The following ABLIM2 variants were observed in gnomAD, a reference collection of about 807,000 sequenced individuals.
ABLIM2 encodes actin-binding LIM protein 2.
A neutral mutation model predicts 97.7 loss-of-function variants in ABLIM2; 53 were observed. The observed-to-expected ratio is 0.54, with a 90% CI of 0.44 to 0.68. The LOEUF is 0.68. Ranked by LOEUF, ABLIM2 falls within the 30% of genes least tolerant of loss-of-function variation. The probability of loss-of-function intolerance (pLI) is 0.00; values close to 1 mark genes in which losing one functional copy is unlikely to be tolerated. For synonymous variants in ABLIM2, 361 were observed against 345.8 expected (o/e 1.04, Z -0.49); for missense variants, 835 against 867.2 (o/e 0.96, Z 0.47).
chr4:7,983,347 G>T lies in ABLIM2; in HGVS notation c.1744-3C>A. On this transcript the variant is annotated splice_polypyrimidine_tract_variant and splice_region_variant and intron_variant, in intron 19 of 20. Coordinates refer to ENST00000447017, the MANE Select transcript of ABLIM2 (RefSeq NM_001130083.2). ...ATGAGGGAGTCATACGGATAGATCT[G>T]TTGGGGGAGGAAACCACAGGGTCAC... 6.2e-7 allele frequency: 1 copy of T among 1,611,100 alleles called. No individual in the cohort carries two copies. The highest frequency in any genetic ancestry group is 8.5e-7 in the Non-Finnish European group (1 of 1,178,926).
At chr4:8,121,800 G>A (rs1293726721) in intron 1 of ABLIM2, among the ~76,000 whole-genome samples, 1 of 152,164 alleles carries the variant, frequency 6.6e-6, no homozygotes, top group Admixed American at 6.5e-5. Context: ...CCAGTGGATG[G>A]GGGGGTGATG....
At chr4:8,105,419 A>AGCCTGGC (rs1381704621) in intron 2 of ABLIM2, among the ~76,000 whole-genome samples, 1 of 152,224 alleles carries the variant, frequency 6.6e-6, no homozygotes, top group Non-Finnish European at 1.5e-5. Flanking sequence ...AACATTCAAG[A>AGCCTGGC]GCCTGGCGCA....
At chr4:8,108,872 G>A (rs1436309351) in intron 1 of ABLIM2, among the ~76,000 whole-genome samples, 1 of 152,212 alleles carries the variant, frequency 6.6e-6, no homozygotes, top group East Asian at 1.9e-4. Context: ...AGCTCCCCCT[G>A]TCTTGGTCTG....
intron 6 of ABLIM2, among the ~76,000 whole-genome samples, chr4:8,065,692 G>C (rs968467022): frequency 1.3e-5 from 2 of 152,132 alleles, no homozygotes. Flanking sequence ...GGAAGGCTAA[G>C]ATGGGCAGAT....
intron 1 of ABLIM2, among the ~76,000 whole-genome samples, chr4:8,157,572 C>G (rs1480050254): frequency 6.6e-6 from 1 of 152,248 alleles, no homozygotes; most frequent in Admixed American, 6.5e-5. Flanking sequence ...AGGGGAGTCC[C>G]TGGCCCTTAG....
In ABLIM2 at chr4:8,135,775, C is replaced by T. The variant is rs527260903; in HGVS notation, c.10+22905G>A. Among the ~76,000 whole-genome samples the T allele has an allele frequency of 1.7e-3, 261 of 152,338 alleles. 1 individual carries two copies. The highest frequency in any genetic ancestry group is 5.5e-3 in the African/African-American group (227 of 41,564). ...AGGACTCGGCACCCAGCCCGGAGGC[C>T]GGCAACATGGGCAAGGGGCCTCTCA... On this transcript the variant is annotated intron_variant, in intron 1 of 20. Transcript: ENST00000447017.
chr4:8,045,156 T>C lies in ABLIM2; in HGVS notation c.900+8A>G. ...CACCGCCGTCCCCATAAAAAGGCCC[T>C]GACTTACATAAATCACACGGCTCGG... On this transcript the variant is annotated splice_region_variant and intron_variant, in intron 9 of 20. Coordinates refer to ENST00000447017, the MANE Select transcript of ABLIM2 (RefSeq NM_001130083.2). The C allele has an allele frequency of 6.2e-7, 1 of 1,613,356 alleles. No individual in the cohort carries two copies. Among genetic ancestry groups the C allele is most frequent in the Non-Finnish European group, 8.5e-7 (1 of 1,179,354 alleles).
In ABLIM2 at chr4:8,075,141, C is replaced by T. The variant is rs1013383173; in HGVS notation, c.675+2487G>A. On this transcript the variant is annotated intron_variant, in intron 6 of 20. Coordinates refer to ENST00000447017, the MANE Select transcript of ABLIM2 (RefSeq NM_001130083.2). The surrounding 1 kb of genome is among the most constrained non-coding windows in gnomAD (Gnocchi z 4.4). The stretch of plus-strand genomic sequence containing the variant: ...ATGATGCGAGAGTAAAGCTTATGTC[C>T]GAACGAACCTTGAAAACATCAAGCT... Among the ~76,000 whole-genome samples the T allele has an allele frequency of 3.9e-5, 6 of 152,136 alleles. No homozygotes were observed. Among genetic ancestry groups the T allele is most frequent in the African/African-American group, 1.4e-4 (6 of 41,416 alleles).
At chr4:7,985,043 A>C (rs1742597814) in intron 17 of ABLIM2, 150 bp from the exon 18 acceptor site, 5 of 753,524 alleles carry the variant, frequency 6.6e-6, no homozygotes, top group Non-Finnish European at 1.1e-5. Flanking sequence ...GGGGCGTGAC[A>C]GAAGGACAGC....
intron 1 of ABLIM2, among the ~76,000 whole-genome samples, chr4:8,145,974 C>T (rs1304112176): frequency 6.6e-6 from 1 of 152,182 alleles, no homozygotes; most frequent in Non-Finnish European, 1.5e-5. Flanking sequence ...CTAGCATGTC[C>T]TTAAAATGGA....
At chr4:7,983,036 C>G (rs1740086641) in intron 20 of ABLIM2, among the ~76,000 whole-genome samples, 1 of 152,232 alleles carries the variant, frequency 6.6e-6, no homozygotes, top group African/African-American at 2.4e-5. Flanking sequence ...CCTTCCCTGC[C>G]TCATCCACAA....
At chr4:8,126,163 G>C (rs1009449540) in intron 1 of ABLIM2, among the ~76,000 whole-genome samples, 22 of 152,272 alleles carry the variant, frequency 1.4e-4, no homozygotes, top group African/African-American at 4.8e-4. Flanking sequence ...AGGCGCTGAG[G>C]GGGGGCTATG....
intron 1 of ABLIM2, among the ~76,000 whole-genome samples, chr4:8,144,631 C>T (rs1007098247): frequency 2.6e-5 from 4 of 152,178 alleles, no homozygotes; most frequent in African/African-American, 4.8e-5. Context: ...CAGCGGGTGA[C>T]GCGGGGCAGG....
At position 8,027,706 on chromosome 4, in the gene ABLIM2, G is replaced by A. The variant is rs1234304610; in HGVS notation, c.1267+53C>T. 21 of 1,387,408 alleles carry A rather than the reference G, an allele frequency of 1.5e-5. No individual in the cohort carries two copies. In the Admixed American group the frequency reaches 2.5e-4, roughly 17 times the overall value. The allele number at this position is 1,387,408 out of a possible 1,614,324, so 85.9% of individuals were successfully genotyped here. A position where few individuals can be genotyped will look rare whatever the true frequency, so the allele number is the denominator to read the frequency against. ...AGACATGGACAGCGAGCACACAGAC[G>A]CCGGGCGTGGACACCCATGAGCACC... On this transcript the variant is annotated intron_variant, in intron 12 of 20. Coordinates refer to ENST00000447017, the MANE Select transcript of ABLIM2 (RefSeq NM_001130083.2).
Position 7,999,658 on chromosome 4 carries a change from T to TG in ABLIM2, c.1619-6732dup, listed in dbSNP as rs1358195069. Among the ~76,000 whole-genome samples, 9 of 152,114 alleles carry TG rather than the reference T, an allele frequency of 5.9e-5. No homozygotes were observed. The highest frequency in any genetic ancestry group is 1.9e-4 in the African/African-American group (8 of 41,474). ...CAGACAGCCTTCAAGAGGCGGGGTG[T>TG]GTGTAGTACAGAGAGAGACCCACAG... On this transcript the variant is annotated intron_variant, in intron 16 of 20. Transcript: ENST00000447017. This position sits in a 1 kb window ranked among gnomAD's most constrained non-coding sequence, Gnocchi z 4.4.
rs1025857786 is a variant in ABLIM2, at chr4:8,004,796, T to C, written c.1618+3263A>G. Among the ~76,000 whole-genome samples the C allele has an allele frequency of 6.6e-6, 1 of 152,218 alleles. No individual in the cohort carries two copies. The highest frequency in any genetic ancestry group is 2.4e-5 in the African/African-American group (1 of 41,458). On this transcript the variant is annotated intron_variant, in intron 16 of 20. Transcript: ENST00000447017. The surrounding 1 kb of genome is among the most constrained non-coding windows in gnomAD (Gnocchi z 5.9). ...CTGATAATATAAACTACTCTGCACA[T>C]AGTCCAGATAATGCCCTATGTGTAA...
rs953426171 is a variant in ABLIM2 at position 8,122,590 on chromosome 4, TC to T, written c.11-15954del. On this transcript the variant is annotated intron_variant, in intron 1 of 20. Transcript: ENST00000447017. The surrounding 1 kb of genome is among the most constrained non-coding windows in gnomAD (Gnocchi z 4.1). ...ACGACCTCATCTAAACCCCATCACC[TC>T]CCCAAGGCCCCTCCTCCAAATAGCG... Among the ~76,000 whole-genome samples the T allele has an allele frequency of 6.6e-6, 1 of 151,884 alleles. No homozygotes were observed. Among genetic ancestry groups the T allele is most frequent in the African/African-American group, 2.4e-5 (1 of 41,324 alleles).
chr4:8,142,843 C>A (rs1361708268), intron 1 of ABLIM2, among the ~76,000 whole-genome samples: 1 of 152,220 alleles, frequency 6.6e-6, no homozygotes, highest in Non-Finnish European at 1.5e-5. Context: ...TTCTGGTCAA[C>A]GAGCCCTCAA....
intron 18 of ABLIM2, among the ~76,000 whole-genome samples, 178 bp from the exon 19 acceptor site, chr4:7,983,732 G>A (rs1740940368): frequency 6.6e-6 from 1 of 150,680 alleles, no homozygotes. Flanking sequence ...AGGCAGAGGG[G>A]CCCTGAGGGC....
Sources: allele counts gnomAD v4.1 joint callset (sites outside exome capture counted in the v4.1 genomes callset), GRCh38; gene constraint gnomAD v4.1.1; non-coding constraint Gnocchi (gnomAD v3.1); transcripts MANE v1.5; gene names NCBI Gene and HGNC (gene_info 2026-07-23, HGNC 2026-07-21).